The following PPFIBP2 variants were observed in gnomAD, a reference collection of about 807,000 sequenced individuals.
The protein encoded by PPFIBP2 is PPFIB scaffold protein 2.
PPFIBP2 carries 118 observed loss-of-function variants against 118.3 expected under a neutral mutation model. The observed-to-expected ratio is 1.00, with a 90% CI of 0.86 to 1.16. PPFIBP2 has a LOEUF of 1.16. Among genes scored for constraint, PPFIBP2 ranks in the 50% most tolerant of loss-of-function variants. The probability of loss-of-function intolerance (pLI) is 0.00; values close to 1 mark genes in which losing one functional copy is unlikely to be tolerated. For missense variants in PPFIBP2, 1,195 were observed against 1,073.1 expected, an observed-to-expected ratio of 1.11 and a Z score of -1.59; for synonymous variants, 414 against 397.4, an observed-to-expected ratio of 1.04 and a Z score of -0.50.
chr11:7,599,861 G>C (rs1332967848), intron 5 of PPFIBP2, among the ~76,000 whole-genome samples: 1 of 149,342 alleles, frequency 6.7e-6, no homozygotes, highest in Non-Finnish European at 1.5e-5. Context: ...AGCCAGGATG[G>C]TCTCAATCTC....
chr11:7,594,501 G>A (rs1489754051), intron 4 of PPFIBP2, among the ~76,000 whole-genome samples: 3 of 152,254 alleles, frequency 2.0e-5, no homozygotes, highest in Non-Finnish European at 4.4e-5. Flanking sequence ...GAGAGAGTGG[G>A]CCAGGTGCAG....
intron 6 of PPFIBP2, among the ~76,000 whole-genome samples, chr11:7,612,268 C>T (rs1848156352): frequency 6.6e-6 from 1 of 152,170 alleles, no homozygotes; most frequent in Non-Finnish European, 1.5e-5. Context: ...GGAATGATAT[C>T]CTGCCAGCCA....
At chr11:7,556,466 T>C (rs1293802174) in intron 2 of PPFIBP2, among the ~76,000 whole-genome samples, 1 of 152,160 alleles carries the variant, frequency 6.6e-6, no homozygotes, top group East Asian at 1.9e-4. Flanking sequence ...AAATAAATAA[T>C]ACTTGACTCT....
At chr11:7,544,341 C>A (rs945153581) in intron 1 of PPFIBP2, among the ~76,000 whole-genome samples, 5 of 152,170 alleles carry the variant, frequency 3.3e-5, no homozygotes, top group African/African-American at 9.7e-5. Context: ...AGAGCAATAT[C>A]CTTCTCTGTG....
intron 2 of PPFIBP2, 107 bp downstream of exon 2, chr11:7,549,646 T>C: frequency 8.7e-7 from 1 of 1,153,716 alleles, no homozygotes; most frequent in Non-Finnish European, 1.2e-6. Flanking sequence ...AAATCCCCTT[T>C]TGTTATATTT....
chr11:7,581,975 T>A (rs572221970), intron 3 of PPFIBP2, among the ~76,000 whole-genome samples: 48 of 152,278 alleles, frequency 3.2e-4, no homozygotes, highest in African/African-American at 9.4e-4. Context: ...TAGCTGGGAT[T>A]ACAGGCATAC....
intron 2 of PPFIBP2, among the ~76,000 whole-genome samples, chr11:7,552,904 C>T (rs1286112641): frequency 1.3e-5 from 2 of 152,190 alleles, no homozygotes; most frequent in Non-Finnish European, 2.9e-5. Context: ...GCACTTATCA[C>T]CTGACCTATC....
At chr11:7,571,341 C>T (rs1855629098) in intron 3 of PPFIBP2, among the ~76,000 whole-genome samples, 1 of 152,116 alleles carries the variant, frequency 6.6e-6, no homozygotes, top group Non-Finnish European at 1.5e-5. Flanking sequence ...CCCATACATT[C>T]CTGCCAGATT....
intron 2 of PPFIBP2, among the ~76,000 whole-genome samples, chr11:7,552,019 C>T (rs1360404652): frequency 1.3e-5 from 2 of 152,182 alleles, no homozygotes; most frequent in African/African-American, 2.4e-5. Flanking sequence ...AGTCCTCCAT[C>T]TTGGAAGGTT....
chr11:7,621,352 C>A (rs1018779088), intron 7 of PPFIBP2, among the ~76,000 whole-genome samples: 2 of 152,190 alleles, frequency 1.3e-5, no homozygotes, highest in African/African-American at 4.8e-5. Context: ...GTGAATCATG[C>A]GTCCTAAAGC....
intron 3 of PPFIBP2, among the ~76,000 whole-genome samples, chr11:7,580,680 A>C (rs545363946): frequency 3.2e-4 from 49 of 152,330 alleles, no homozygotes; most frequent in African/African-American, 1.1e-3. Context: ...TGCCACGTTT[A>C]CCAGCTGTGT....
At chr11:7,591,935 G>A (rs1479298124) in intron 3 of PPFIBP2, among the ~76,000 whole-genome samples, 1 of 152,186 alleles carries the variant, frequency 6.6e-6, no homozygotes, top group Non-Finnish European at 1.5e-5. Context: ...CTTTTCTCAT[G>A]GAGGGTGGTG....
intron 2 of PPFIBP2, among the ~76,000 whole-genome samples, chr11:7,564,499 A>G (rs1172816956): frequency 6.6e-6 from 1 of 152,262 alleles, no homozygotes. Context: ...GGGAAGATCC[A>G]GAAAGATTCC....
chr11:7,618,135 T>A lies in PPFIBP2; in HGVS notation c.619-2800T>A, dbSNP rs571723028. 4.6e-5 allele frequency among the ~76,000 whole-genome samples: 7 copies of A among 152,286 alleles called. No homozygotes were observed. In the South Asian group the frequency reaches 6.2e-4, roughly 14 times the overall value. ...TCAATTAGGGAGCCTGTTGAAAATC[T>A]AGACATAGGTGTTGCGGGAAGGGAT... On this transcript the variant is annotated intron_variant, in intron 6 of 23. Coordinates refer to ENST00000299492, the MANE Select transcript of PPFIBP2 (RefSeq NM_003621.5).
intron 15 of PPFIBP2, 135 bp downstream of exon 15, chr11:7,640,005 A>G: frequency 7.9e-7 from 1 of 1,259,422 alleles, no homozygotes; most frequent in Non-Finnish European, 1.0e-6. Context: ...AACAAGTTGT[A>G]CCTTGGGGTG....
chr11:7,526,761 G>A (rs1257944482), intron 1 of PPFIBP2, among the ~76,000 whole-genome samples: 1 of 152,126 alleles, frequency 6.6e-6, no homozygotes, highest in Admixed American at 6.5e-5. Context: ...TCTATCCCAA[G>A]TCGCAGGCTG....
At chr11:7,665,863 C>G in the PPFIBP2 span, 2 of 1,536,048 alleles carry the variant, frequency 1.3e-6, no homozygotes, top group Admixed American at 3.9e-5. Flanking sequence ...CTGGAGTTGT[C>G]CGGCAGGGTG....
chr11:7,619,927 A>G (rs907530876), intron 6 of PPFIBP2, among the ~76,000 whole-genome samples: 1 of 152,240 alleles, frequency 6.6e-6, no homozygotes, highest in African/African-American at 2.4e-5. Context: ...ACTGCAGTTC[A>G]GAAAGCCTAT....
At chr11:7,526,072 C>T (rs1850202085) in intron 1 of PPFIBP2, among the ~76,000 whole-genome samples, 1 of 152,162 alleles carries the variant, frequency 6.6e-6, no homozygotes, top group Non-Finnish European at 1.5e-5. Flanking sequence ...AGGCTTGTCT[C>T]TAGGGCCAAA....
Sources: allele counts gnomAD v4.1 joint callset (sites outside exome capture counted in the v4.1 genomes callset), GRCh38; gene constraint gnomAD v4.1.1; transcripts MANE v1.5; gene names NCBI Gene and HGNC (gene_info 2026-07-23, HGNC 2026-07-21).